Variants in ZBTB7C observed in about 807,000 individuals in gnomAD.
ZBTB7C encodes zinc finger and BTB domain-containing protein 7C.
A neutral mutation model predicts 25.7 loss-of-function variants in ZBTB7C; 8 were observed. That is an observed-to-expected ratio of 0.31 (90% confidence interval 0.18 to 0.56). The LOEUF (loss-of-function observed/expected upper bound fraction) is 0.56. Among genes scored for constraint, ZBTB7C ranks in the 20% least tolerant of loss-of-function variants. The pLI, the probability that ZBTB7C is intolerant of heterozygous loss-of-function variation, is 0.91. For synonymous variants in ZBTB7C, 394 were observed against 369.0 expected (o/e 1.07, Z -0.78); for missense variants, 824 against 855.2 (o/e 0.96, Z 0.46).
intron 2 of ZBTB7C, among the ~76,000 whole-genome samples, chr18:48,187,820 CAAAAAA>C (rs919402026): frequency 1.4e-5 from 1 of 73,376 alleles, no homozygotes; most frequent in Non-Finnish European, 2.5e-5. Context: ...GACCCCGTCT[CAAAAAA>C]AAAAAAAAAA....
chr18:48,274,205 A>G (rs1482050652), intron 2 of ZBTB7C, among the ~76,000 whole-genome samples: 2 of 152,212 alleles, frequency 1.3e-5, no homozygotes, highest in African/African-American at 2.4e-5. Context: ...CTGCTACTCC[A>G]GACTACCTCT....
At chr18:48,180,148 T>TTCCTTCCTTCCTTCC (rs1568282872) in intron 3 of ZBTB7C, among the ~76,000 whole-genome samples, 34 of 35,618 alleles carry the variant, frequency 9.5e-4, no homozygotes, top group Non-Finnish European at 1.1e-3. Context: ...TCCTTCCTTC[T>TTCCTTCCTTCCTTCC]TTCCCTCCCT....
chr18:48,160,443 C>A (rs1229304168), intron 3 of ZBTB7C, among the ~76,000 whole-genome samples: 1 of 152,142 alleles, frequency 6.6e-6, no homozygotes, highest in Non-Finnish European at 1.5e-5. Flanking sequence ...AGTCAGAGTT[C>A]CAGCTCTGCC....
chr18:48,218,045 G>A (rs558546236), intron 2 of ZBTB7C, among the ~76,000 whole-genome samples: 1 of 152,264 alleles, frequency 6.6e-6, no homozygotes, highest in African/African-American at 2.4e-5. Context: ...CCACCACCAT[G>A]GAAAAGGTCA....
At chr18:48,409,606 T>G (rs1201406777), upstream of ZBTB7C, among the ~76,000 whole-genome samples, 1 of 150,510 alleles carries the variant, frequency 6.6e-6, no homozygotes, top group Non-Finnish European at 1.5e-5. Flanking sequence ...CACATGCACT[T>G]GCTGCGCCGC....
At chr18:48,058,059 C>T (rs577649345) in intron 3 of ZBTB7C, among the ~76,000 whole-genome samples, 1 of 152,176 alleles carries the variant, frequency 6.6e-6, no homozygotes, top group African/African-American at 2.4e-5. Flanking sequence ...GCACCAAGGA[C>T]ACAGGTGCTA....
rs569375403 is a variant in ZBTB7C at position 48,103,000 on chromosome 18, A to G, written c.-16-61877T>C. 4.0e-5 allele frequency among the ~76,000 whole-genome samples: 6 copies of G among 150,436 alleles called. No individual in the cohort carries two copies. In the East Asian group the frequency reaches 1.2e-3, roughly 29 times the overall value. ...AAGAAGAGAGGCAGGAAAGACAAAT[A>G]TAAGACAGGGAAGGTGTGGATATAT... On this transcript the variant is annotated intron_variant, in intron 3 of 4. Transcript: ENST00000590800.
chr18:48,075,546 C>T (rs774053858), intron 3 of ZBTB7C, among the ~76,000 whole-genome samples: 6 of 152,136 alleles, frequency 3.9e-5, no homozygotes, highest in Non-Finnish European at 8.8e-5. Context: ...ATCGGCTTAG[C>T]GATTGCACAG....
At chr18:48,347,480 C>T (rs72913575) in intron 1 of ZBTB7C, among the ~76,000 whole-genome samples, 9,481 of 152,092 alleles carry the variant, frequency 0.062, 338 homozygotes, top group Non-Finnish European at 0.074. Context: ...CTTCCTCAGA[C>T]GCAGAACTGA....
chr18:48,235,820 T>G (rs951996276), intron 2 of ZBTB7C, among the ~76,000 whole-genome samples: 4 of 152,212 alleles, frequency 2.6e-5, no homozygotes, highest in African/African-American at 7.2e-5. Context: ...TGTTGTCCTT[T>G]GTAGGACATC....
At chr18:48,058,399 T>G (rs1442254632) in intron 3 of ZBTB7C, among the ~76,000 whole-genome samples, 1 of 152,168 alleles carries the variant, frequency 6.6e-6, no homozygotes, top group Admixed American at 6.5e-5. Flanking sequence ...GTTCTGGATA[T>G]AATTTCCCAG....
intron 3 of ZBTB7C, among the ~76,000 whole-genome samples, chr18:48,111,283 G>T (rs1320414217): frequency 6.6e-6 from 1 of 152,148 alleles, no homozygotes. Flanking sequence ...TAAAAAACAA[G>T]CCCAAATTCA....
At chr18:48,340,790 C>T (rs904844980) in intron 1 of ZBTB7C, among the ~76,000 whole-genome samples, 1 of 152,164 alleles carries the variant, frequency 6.6e-6, no homozygotes, top group Non-Finnish European at 1.5e-5. Flanking sequence ...AAACAATTAA[C>T]CCTCAAAGAA....
chr18:48,283,244 G>A (rs542059551), intron 2 of ZBTB7C, among the ~76,000 whole-genome samples: 2 of 152,136 alleles, frequency 1.3e-5, no homozygotes, highest in East Asian at 3.9e-4. Context: ...TTTATAACAG[G>A]GAAAATTTGG....
At chr18:48,166,324 T>C (rs1366440067) in intron 3 of ZBTB7C, among the ~76,000 whole-genome samples, 1 of 152,212 alleles carries the variant, frequency 6.6e-6, no homozygotes, top group Admixed American at 6.5e-5. Flanking sequence ...ATTTGTTTAT[T>C]TTGGGAGAAA....
intron 2 of ZBTB7C, among the ~76,000 whole-genome samples, chr18:48,311,458 G>A (rs2045817010): frequency 6.6e-6 from 1 of 152,218 alleles, no homozygotes; most frequent in Non-Finnish European, 1.5e-5. Flanking sequence ...ATTTGGCAAT[G>A]TCTGGAGACA....
chr18:48,228,913 C>T (rs2043179183), intron 2 of ZBTB7C, among the ~76,000 whole-genome samples: 1 of 152,068 alleles, frequency 6.6e-6, no homozygotes, highest in Admixed American at 6.5e-5. Flanking sequence ...GTTCCCTTCT[C>T]TCTTCTCCTT....
intron 2 of ZBTB7C, among the ~76,000 whole-genome samples, chr18:48,284,536 G>A (rs1243053437): frequency 3.9e-5 from 6 of 152,210 alleles, no homozygotes; most frequent in Middle Eastern, 3.4e-3. Context: ...GCTTATACCC[G>A]TAATCCCAGC....
At chr18:48,185,743 C>T (rs1024269751) in intron 3 of ZBTB7C, among the ~76,000 whole-genome samples, 191 bp downstream of exon 3, 1 of 152,134 alleles carries the variant, frequency 6.6e-6, no homozygotes, top group Non-Finnish European at 1.5e-5. Context: ...AGCCAGGGTT[C>T]AAACCACCCT....
Sources: allele counts gnomAD v4.1 joint callset (sites outside exome capture counted in the v4.1 genomes callset), GRCh38; gene constraint gnomAD v4.1.1; transcripts MANE v1.5; gene names NCBI Gene and HGNC (gene_info 2026-07-23, HGNC 2026-07-21).